Variants in FBXW7 observed in about 807,000 individuals in gnomAD.
FBXW7 encodes F-box/WD repeat-containing protein 7.
FBXW7 carries 11 observed loss-of-function variants against 86.3 expected under a neutral mutation model. The ratio of observed to expected loss-of-function variants is 0.13; its 90% CI spans 0.08 to 0.21. The LOEUF (loss-of-function observed/expected upper bound fraction) is 0.21, where lower values mean the gene tolerates loss of function less well. Among genes scored for constraint, FBXW7 ranks in the 10% least tolerant of loss-of-function variants. The pLI, the probability that FBXW7 is intolerant of heterozygous loss-of-function variation, is 1.00. For synonymous variants in FBXW7, 313 were observed against 297.9 expected (o/e 1.05, Z -0.52); for missense variants, 488 against 847.4 (o/e 0.58, Z 5.27).
chr4:152,523,067 T>C (rs1164299082), intron 2 of FBXW7, among the ~76,000 whole-genome samples: 2 of 152,230 alleles, frequency 1.3e-5, no homozygotes, highest in African/African-American at 4.8e-5. Flanking sequence ...CAAGATAAAT[T>C]AACAAGCATT....
intron 2 of FBXW7, among the ~76,000 whole-genome samples, chr4:152,492,103 G>C (rs1034836813): frequency 1.3e-5 from 2 of 152,098 alleles, no homozygotes; most frequent in African/African-American, 4.8e-5. Context: ...TTTCACTCCA[G>C]AGTAGCTTTG....
At chr4:152,380,648 T>C (rs1734982029) in intron 4 of FBXW7, among the ~76,000 whole-genome samples, 1 of 151,970 alleles carries the variant, frequency 6.6e-6, no homozygotes, top group African/African-American at 2.4e-5. Flanking sequence ...TTCTCCTATG[T>C]CTTTTAAACT....
chr4:152,339,942 A>AAGCTAATAT (rs1730554725), intron 6 of FBXW7, among the ~76,000 whole-genome samples: 1 of 150,970 alleles, frequency 6.6e-6, no homozygotes, highest in African/African-American at 2.4e-5. Context: ...AAAAAAAAAA[A>AAGCTAATAT]AGCTAATATA....
rs1393933844 is a variant in FBXW7, at chr4:152,337,870, C to T, written c.793G>A (p.Val265Ile). The change falls in exon 7 of 14, where the codon GTA becomes ATA. Residue 265 changes from valine (V) to isoleucine (I), a missense_variant. By Grantham distance (29) the Val-to-Ile change is conservative. Around this residue, in one of 4 missense-constraint regions of FBXW7, gnomAD observed 59 missense variants for 137.9 expected, o/e 0.43. Transcript: ENST00000281708. The part of the protein sequence containing the change: ...ELIDSCEPTQ[V>I]KHMMQVIEPQ... ...TCTATCACTTGCATCATATGTTTTA[C>T]TTGTGTTGGTTCACAACTATCAATG... is the stretch of plus-strand genomic sequence containing the variant. 2 of 1,612,468 alleles carry T rather than the reference C, an allele frequency of 1.2e-6. No homozygotes were observed. The highest frequency in any genetic ancestry group is 1.7e-6 in the Non-Finnish European group (2 of 1,179,214).
intron 2 of FBXW7, among the ~76,000 whole-genome samples, chr4:152,426,352 ACT>A (rs976822544): frequency 3.8e-5 from 5 of 132,494 alleles, no homozygotes; most frequent in African/African-American, 1.6e-4. Context: ...ATGGCTACAA[ACT>A]TTTTTTTTTT....
chr4:152,335,690 C>A (rs1730008940), intron 7 of FBXW7, among the ~76,000 whole-genome samples: 1 of 152,116 alleles, frequency 6.6e-6, no homozygotes, highest in South Asian at 2.1e-4. Flanking sequence ...TCTCTATAAC[C>A]TATATAAAAG....
chr4:152,468,841 C>T (rs1428191018), intron 2 of FBXW7, among the ~76,000 whole-genome samples: 1 of 151,802 alleles, frequency 6.6e-6, no homozygotes, highest in African/African-American at 2.4e-5. Context: ...ATATACGCAT[C>T]AATAGGGAAA....
intron 6 of FBXW7, among the ~76,000 whole-genome samples, chr4:152,341,289 C>T (rs1365202657): frequency 6.6e-6 from 1 of 152,198 alleles, no homozygotes; most frequent in African/African-American, 2.4e-5. Context: ...CTGCCATACA[C>T]ACTCTTTCTG....
chr4:152,466,029 TAA>T (rs1221826848), intron 2 of FBXW7, among the ~76,000 whole-genome samples: 1 of 152,048 alleles, frequency 6.6e-6, no homozygotes, highest in Non-Finnish European at 1.5e-5. Context: ...ACATGAAAGG[TAA>T]GAATAGTCAA....
intron 2 of FBXW7, among the ~76,000 whole-genome samples, chr4:152,514,352 A>T (rs80136744): frequency 6.6e-6 from 1 of 152,194 alleles, no homozygotes; most frequent in East Asian, 1.9e-4. Flanking sequence ...AGTGATAAAT[A>T]TAAGAACTGA....
At chr4:152,339,063 T>C (rs905689142) in intron 6 of FBXW7, among the ~76,000 whole-genome samples, 4 of 152,226 alleles carry the variant, frequency 2.6e-5, no homozygotes, top group Admixed American at 6.5e-5. Flanking sequence ...ATGTGGAATC[T>C]ACAATGAACT....
At chr4:152,519,318 A>C (rs1748795625) in intron 2 of FBXW7, among the ~76,000 whole-genome samples, 1 of 152,184 alleles carries the variant, frequency 6.6e-6, no homozygotes, top group South Asian at 2.1e-4. Flanking sequence ...AAATAAATAA[A>C]TAAAGAAAGA....
Position 152,322,739 on chromosome 4 carries a change from T to A in FBXW7, c.*142A>T. The A allele has an allele frequency of 7.3e-7, 1 of 1,371,548 alleles. No homozygotes were observed. Among genetic ancestry groups the A allele is most frequent in the Non-Finnish European group, 9.7e-7 (1 of 1,030,318 alleles). 85.0% of individuals were successfully genotyped at this position (1,371,548 alleles called of 1,614,324 possible). A position where few individuals can be genotyped will look rare whatever the true frequency, so the allele number is the denominator to read the frequency against. ...TTTCCTTCTTAGTCTGTAGGTCTTT[T>A]CAATCTGTTGCCCCAAGCCAACATC... On this transcript the variant is annotated 3_prime_UTR_variant, in exon 14 of 14. Coordinates refer to ENST00000281708, the MANE Select transcript of FBXW7 (RefSeq NM_001349798.2).
intron 4 of FBXW7, among the ~76,000 whole-genome samples, chr4:152,357,360 G>A (rs1348365599): frequency 6.7e-6 from 1 of 150,324 alleles, no homozygotes; most frequent in East Asian, 2.0e-4. Flanking sequence ...ATACTCTGTT[G>A]CCCATGCTAG....
chr4:152,512,298 A>G (rs1368267232), intron 2 of FBXW7, among the ~76,000 whole-genome samples: 1 of 152,246 alleles, frequency 6.6e-6, no homozygotes, highest in Non-Finnish European at 1.5e-5. Flanking sequence ...AGTAAACAAC[A>G]ACAAGATGGA....
chr4:152,401,623 A>C (rs1461071676), intron 4 of FBXW7, among the ~76,000 whole-genome samples: 1 of 152,214 alleles, frequency 6.6e-6, no homozygotes, highest in Non-Finnish European at 1.5e-5. Context: ...GTGTCAATAC[A>C]CATTTGCCCA....
intron 6 of FBXW7, among the ~76,000 whole-genome samples, chr4:152,345,677 C>T (rs1731198113): frequency 6.6e-6 from 1 of 152,018 alleles, no homozygotes; most frequent in Admixed American, 6.6e-5. Context: ...AAAGGTTATC[C>T]TAGTTTTGCA....
chr4:152,461,795 T>C (rs1742970519), intron 2 of FBXW7, among the ~76,000 whole-genome samples: 1 of 152,244 alleles, frequency 6.6e-6, no homozygotes, highest in Non-Finnish European at 1.5e-5. Context: ...TGTATGATTC[T>C]AATGGGCTCG....
At chr4:152,440,844 C>T (rs963136741) in intron 2 of FBXW7, among the ~76,000 whole-genome samples, 2 of 152,108 alleles carry the variant, frequency 1.3e-5, no homozygotes, top group African/African-American at 4.8e-5. Context: ...TGACTGTTCA[C>T]ACCACTTTCT....
Sources: gnomAD v4.1 joint callset for allele counts (sites outside exome capture counted in the v4.1 genomes callset) on GRCh38, gnomAD v4.1.1 for gene constraint, gnomAD v4.1.1 regional missense constraint, MANE v1.5 for transcripts, NCBI Gene and HGNC (gene_info 2026-07-23, HGNC 2026-07-21) for gene names.